Variants in TENM2 observed in about 807,000 individuals in gnomAD.
TENM2 encodes teneurin transmembrane protein 2.
Under a neutral mutation model 245.2 loss-of-function variants are expected in TENM2, and 52 were observed. The observed-to-expected ratio is 0.21, with a 90% CI of 0.17 to 0.27. The LOEUF (loss-of-function observed/expected upper bound fraction) is 0.27, where lower values mean the gene tolerates loss of function less well. Ranked by LOEUF, TENM2 falls within the 10% of genes least tolerant of loss-of-function variation. The probability of loss-of-function intolerance (pLI) is 1.00; values close to 1 mark genes in which losing one functional copy is unlikely to be tolerated. For missense variants in TENM2, 3,046 were observed against 3,666.8 expected (o/e 0.83, Z 4.37); for synonymous variants, 1,363 against 1,438.9 (o/e 0.95, Z 1.19).
At chr5:168,006,710 C>T (rs894070759) in intron 5 of TENM2, among the ~76,000 whole-genome samples, 1 of 152,174 alleles carries the variant, frequency 6.6e-6, no homozygotes, top group African/African-American at 2.4e-5. Context: ...CACGGAGCCA[C>T]AGCTGCATCT....
intron 2 of TENM2, chr5:167,660,443 C>T (rs1020345751): frequency 1.2e-4 from 14 of 116,180 alleles, no homozygotes; most frequent in Middle Eastern, 0.017. Context: ...CCAGCCTGGG[C>T]GACAGAGCAA....
the TENM2 span, among the ~76,000 whole-genome samples, chr5:167,147,350 T>A: frequency 6.6e-6 from 1 of 152,194 alleles, no homozygotes; most frequent in African/African-American, 2.4e-5. Context: ...AACTGCTTTG[T>A]GCCTTTACCA....
chr5:168,017,598 T>C (rs1329919944), intron 5 of TENM2, among the ~76,000 whole-genome samples: 2 of 152,174 alleles, frequency 1.3e-5, no homozygotes, highest in East Asian at 1.9e-4. Flanking sequence ...CTATTTAATT[T>C]GTACTGGGGA....
the TENM2 span, among the ~76,000 whole-genome samples, chr5:167,238,196 A>G: frequency 6.6e-6 from 1 of 152,150 alleles, no homozygotes; most frequent in African/African-American, 2.4e-5. Context: ...ATACAATTAA[A>G]ATTTATGTCT....
At chr5:167,542,469 T>C (rs1436067332) in intron 2 of TENM2, among the ~76,000 whole-genome samples, 1 of 152,136 alleles carries the variant, frequency 6.6e-6, no homozygotes, top group Non-Finnish European at 1.5e-5. Flanking sequence ...AACTAGATTG[T>C]CTCCCTGTCT....
intron 3 of TENM2, among the ~76,000 whole-genome samples, chr5:167,923,765 T>C (rs1583380940): frequency 6.6e-6 from 1 of 152,146 alleles, no homozygotes; most frequent in East Asian, 1.9e-4. Flanking sequence ...CACTTGAAAG[T>C]GGGAGAGTTG....
At chr5:167,201,212 G>A in the TENM2 span, among the ~76,000 whole-genome samples, 3 of 152,086 alleles carry the variant, frequency 2.0e-5, no homozygotes, top group South Asian at 4.1e-4. Context: ...ATACTTCTAC[G>A]TAGCCGACAA....
intron 2 of TENM2, among the ~76,000 whole-genome samples, chr5:167,794,157 C>T (rs986676244): frequency 6.6e-6 from 1 of 152,034 alleles, no homozygotes; most frequent in Admixed American, 6.6e-5. Context: ...CCCACCAGTC[C>T]ACTCAGAACC....
At chr5:167,215,554 A>G in the TENM2 span, among the ~76,000 whole-genome samples, 1 of 152,080 alleles carries the variant, frequency 6.6e-6, no homozygotes, top group Admixed American at 6.5e-5. Flanking sequence ...GGAAGGGGAA[A>G]CTCTGGAGGA....
At chr5:167,843,823 ACT>A (rs1769777383) in intron 2 of TENM2, among the ~76,000 whole-genome samples, 1 of 152,054 alleles carries the variant, frequency 6.6e-6, no homozygotes, top group Non-Finnish European at 1.5e-5. Flanking sequence ...GTATTCTAAA[ACT>A]CTCTTTCAAC....
intron 2 of TENM2, among the ~76,000 whole-genome samples, chr5:167,685,803 A>G (rs1452375156): frequency 1.3e-5 from 2 of 152,232 alleles, no homozygotes; most frequent in Non-Finnish European, 2.9e-5. Flanking sequence ...TGCCTTTGCA[A>G]AAATGATTGA....
intron 1 of TENM2, among the ~76,000 whole-genome samples, chr5:167,318,064 T>C (rs1235691224): frequency 1.3e-5 from 2 of 152,170 alleles, no homozygotes; most frequent in Non-Finnish European, 2.9e-5. Flanking sequence ...ATTTTGAAAT[T>C]GCAAACCCAC....
intron 2 of TENM2, among the ~76,000 whole-genome samples, chr5:167,617,246 A>G (rs1465801430): frequency 6.6e-6 from 1 of 152,138 alleles, no homozygotes; most frequent in African/African-American, 2.4e-5. Flanking sequence ...CTGAACACAC[A>G]CATGCATACA....
the TENM2 span, among the ~76,000 whole-genome samples, chr5:167,159,495 C>T: frequency 2.0e-5 from 3 of 152,028 alleles, no homozygotes; most frequent in Admixed American, 1.3e-4. Context: ...ACAGAAATAA[C>T]CTTGTGAGGT....
chr5:167,186,255 T>TA, the TENM2 span, among the ~76,000 whole-genome samples: 2 of 151,990 alleles, frequency 1.3e-5, no homozygotes, highest in African/African-American at 4.8e-5. Context: ...AATAAAACAA[T>TA]AAAAAAGAGA....
At chr5:167,710,183 C>T (rs1758813063) in intron 2 of TENM2, among the ~76,000 whole-genome samples, 2 of 152,134 alleles carry the variant, frequency 1.3e-5, no homozygotes, top group African/African-American at 4.8e-5. Context: ...CTGTTGGGTT[C>T]TGTTTGACTC....
chr5:168,131,491 G>A (rs1282734678), intron 12 of TENM2, among the ~76,000 whole-genome samples: 2 of 152,098 alleles, frequency 1.3e-5, no homozygotes, highest in African/African-American at 2.4e-5. Context: ...AAAGAAATCG[G>A]TGCTTGTGAT....
At chr5:167,996,097 C>T (rs1035616288) in intron 5 of TENM2, among the ~76,000 whole-genome samples, 2 of 152,152 alleles carry the variant, frequency 1.3e-5, no homozygotes, top group African/African-American at 4.8e-5. Flanking sequence ...AATTATCATC[C>T]TTGCGTGTTC....
chr5:167,085,425 A>G, the TENM2 span, among the ~76,000 whole-genome samples: 305 of 152,328 alleles, frequency 2.0e-3, no homozygotes, highest in Non-Finnish European at 3.7e-3. Flanking sequence ...CTATCTAATT[A>G]TTATTAATAT....
Sources: allele counts gnomAD v4.1 joint callset (sites outside exome capture counted in the v4.1 genomes callset), GRCh38; gene constraint gnomAD v4.1.1; transcripts MANE v1.5; gene names NCBI Gene and HGNC (gene_info 2026-07-23, HGNC 2026-07-21).